Variants in SPAG17 observed in about 807,000 individuals in gnomAD.
SPAG17 encodes sperm associated antigen 17.
Under a neutral mutation model 273.6 loss-of-function variants are expected in SPAG17, and 169 were observed. The observed-to-expected ratio is 0.62, with a 90% CI of 0.55 to 0.70. The LOEUF (loss-of-function observed/expected upper bound fraction) is 0.70. Among genes scored for constraint, SPAG17 ranks in the 30% least tolerant of loss-of-function variants. The probability of loss-of-function intolerance (pLI) is 0.00; values close to 1 mark genes in which losing one functional copy is unlikely to be tolerated. For missense variants in SPAG17, 2,557 were observed against 2,627.8 expected (o/e 0.97, Z 0.59); for synonymous variants, 825 against 873.2 (o/e 0.94, Z 0.97).
intron 24 of SPAG17, among the ~76,000 whole-genome samples, chr1:118,032,519 C>T (rs1648594059): frequency 6.6e-6 from 1 of 151,762 alleles, no homozygotes; most frequent in Non-Finnish European, 1.5e-5. Flanking sequence ...AATCTCTTAC[C>T]TCTAGTCATT....
chr1:118,166,272 G>A (rs1048789965), intron 1 of SPAG17, among the ~76,000 whole-genome samples: 4 of 152,190 alleles, frequency 2.6e-5, no homozygotes, highest in Non-Finnish European at 5.9e-5. Flanking sequence ...ACAAGGGAAA[G>A]CCAGGAAACA....
intron 24 of SPAG17, among the ~76,000 whole-genome samples, chr1:118,035,439 G>A (rs997097461): frequency 1.0e-3 from 153 of 152,176 alleles, no homozygotes; most frequent in African/African-American, 3.4e-3. Context: ...TAGTGATAAC[G>A]GATTTTAATA....
At chr1:117,988,283 G>A (rs1283934232) in intron 38 of SPAG17, 79 bp from the exon 39 acceptor site, 1 of 1,021,320 alleles carries the variant, frequency 9.8e-7, no homozygotes, top group Non-Finnish European at 1.4e-6. Context: ...TTACTCATTT[G>A]AGATGCCTGT....
chr1:118,007,911 G>T, intron 31 of SPAG17, 133 bp downstream of exon 31: 1 of 844,752 alleles, frequency 1.2e-6, no homozygotes, highest in Non-Finnish European at 1.9e-6. Flanking sequence ...TATATTCTAA[G>T]ATGTTAGTAT....
intron 20 of SPAG17, among the ~76,000 whole-genome samples, chr1:118,049,700 G>A (rs1400625194): frequency 1.3e-5 from 2 of 152,080 alleles, no homozygotes; most frequent in Non-Finnish European, 2.9e-5. Flanking sequence ...AATCACCAAA[G>A]ACTCCTAATT....
At chr1:118,097,272 A>G (rs1655772946) in intron 7 of SPAG17, among the ~76,000 whole-genome samples, 1 of 152,116 alleles carries the variant, frequency 6.6e-6, no homozygotes, top group South Asian at 2.1e-4. Flanking sequence ...TTAGAAAAGC[A>G]ATGTATGAAC....
intron 4 of SPAG17, among the ~76,000 whole-genome samples, chr1:118,113,978 T>C (rs1490978283): frequency 6.6e-6 from 1 of 152,148 alleles, no homozygotes; most frequent in Non-Finnish European, 1.5e-5. Flanking sequence ...AACAAGTAAA[T>C]TGACGCTCTT....
rs1056484411 is a variant in SPAG17, at chr1:118,177,581, G to A, written c.87+7490C>T. The stretch of plus-strand genomic sequence containing the variant: ...CGGAAGGAAAATAATAAAGATCAGA[G>A]AAGAAATAAATGAAAATGAAGCTAA... On this transcript the variant is annotated intron_variant, in intron 1 of 48. Coordinates refer to ENST00000336338, the MANE Select transcript of SPAG17 (RefSeq NM_206996.4). Among the ~76,000 whole-genome samples the A allele has an allele frequency of 4.6e-5, 7 of 152,066 alleles. 2 individuals carry two copies. The South Asian group carries it at 1.5e-3, about 32-fold the overall frequency.
chr1:118,148,971 C>A (rs1352547404), intron 3 of SPAG17, among the ~76,000 whole-genome samples: 1 of 152,152 alleles, frequency 6.6e-6, no homozygotes, highest in East Asian at 1.9e-4. Flanking sequence ...TTGGCTGATG[C>A]TGACAAGGAG....
chr1:118,041,675 T>A, intron 21 of SPAG17, 128 bp downstream of exon 21: 1 of 1,260,636 alleles, frequency 7.9e-7, no homozygotes, highest in Non-Finnish European at 1.1e-6. Context: ...TTTGAGCTCA[T>A]TAATACCAGA....
intron 28 of SPAG17, among the ~76,000 whole-genome samples, chr1:118,020,717 T>A (rs1660418162): frequency 6.6e-6 from 1 of 152,132 alleles, no homozygotes; most frequent in Non-Finnish European, 1.5e-5. Context: ...ATTAAAAAAA[T>A]CTGTAAAAAT....
chr1:118,046,781 T>C (rs1044012272), intron 20 of SPAG17, among the ~76,000 whole-genome samples: 2 of 152,124 alleles, frequency 1.3e-5, no homozygotes, highest in East Asian at 1.9e-4. Flanking sequence ...TTTTTGTGTG[T>C]GGGGGGAATA....
chr1:118,092,720 G>A (rs1364751208), intron 8 of SPAG17, among the ~76,000 whole-genome samples: 1 of 152,112 alleles, frequency 6.6e-6, no homozygotes, highest in Non-Finnish European at 1.5e-5. Flanking sequence ...ACTGCAAGCT[G>A]AGATGACTGC....
In SPAG17 at chr1:117,987,813, T is replaced by C. The variant is rs547246705; in HGVS notation, c.5669+21A>G. 4.5e-5 allele frequency: 73 copies of C among 1,612,316 alleles called. No homozygotes were observed. In the South Asian group the frequency reaches 7.9e-4, roughly 17 times the overall value. On this transcript the variant is annotated intron_variant, in intron 40 of 48. Transcript: ENST00000336338. The stretch of plus-strand genomic sequence containing the variant: ...CTCTGGGCCCTTTCAGGTCCTTATG[T>C]GCGTTTTGGGGTATAATTACCTCGT...
At chr1:117,987,952 C>T in intron 39 of SPAG17, 71 bp from the exon 40 acceptor site, 1 of 1,548,910 alleles carries the variant, frequency 6.5e-7, no homozygotes, top group Non-Finnish European at 8.9e-7. Context: ...ACCAAAAACC[C>T]TCACCACTAT....
chr1:118,021,894 A>G (rs1302520272), intron 28 of SPAG17, among the ~76,000 whole-genome samples: 1 of 152,136 alleles, frequency 6.6e-6, no homozygotes, highest in Non-Finnish European at 1.5e-5. Flanking sequence ...GAAATTTGGA[A>G]AGCTATCTGG....
intron 18 of SPAG17, among the ~76,000 whole-genome samples, chr1:118,060,782 G>A (rs1332133320): frequency 1.3e-5 from 2 of 152,004 alleles, no homozygotes; most frequent in Non-Finnish European, 2.9e-5. Flanking sequence ...GGCTACATTT[G>A]CTGGGTACAG....
At chr1:117,963,311 C>T (rs1453618421) in intron 48 of SPAG17, 1 of 151,796 alleles carries the variant, frequency 6.6e-6, no homozygotes, top group Non-Finnish European at 1.5e-5. Flanking sequence ...ATGAGCATTA[C>T]ATTTTATAAT....
At chr1:118,137,524 T>C (rs1161883054) in intron 3 of SPAG17, among the ~76,000 whole-genome samples, 2 of 152,196 alleles carry the variant, frequency 1.3e-5, no homozygotes, top group Non-Finnish European at 2.9e-5. Context: ...AATATAAACT[T>C]TTAAAGGAAG....
Sources: allele counts gnomAD v4.1 joint callset (sites outside exome capture counted in the v4.1 genomes callset), GRCh38; gene constraint gnomAD v4.1.1; transcripts MANE v1.5; gene names NCBI Gene and HGNC (gene_info 2026-07-23, HGNC 2026-07-21).